PTPRD: variants seen among roughly 807,000 people sequenced by gnomAD.
The protein encoded by PTPRD is receptor-type tyrosine-protein phosphatase delta.
PTPRD carries 34 observed loss-of-function variants against 214.5 expected under a neutral mutation model. The ratio of observed to expected loss-of-function variants is 0.16; its 90% CI spans 0.12 to 0.21. The LOEUF is 0.21. Ranked by LOEUF, PTPRD falls within the 10% of genes least tolerant of loss-of-function variation. The pLI is 1.00. For missense variants in PTPRD, 2,545 were observed against 2,398.7 expected (o/e 1.06, Z -1.27); for synonymous variants, 1,128 against 845.7 (o/e 1.33, Z -5.79).
At chr9:9,868,125 C>A (rs1342191259) in intron 5 of PTPRD, among the ~76,000 whole-genome samples, 1 of 152,126 alleles carries the variant, frequency 6.6e-6, no homozygotes, top group East Asian at 1.9e-4. Flanking sequence ...GCAGTCTATA[C>A]CGCTGCTTCA....
chr9:9,065,546 G>A (rs1444439018), intron 10 of PTPRD, among the ~76,000 whole-genome samples: 1 of 152,198 alleles, frequency 6.6e-6, no homozygotes, highest in Non-Finnish European at 1.5e-5. Context: ...AGTGCAATGT[G>A]AAGCTGACAG....
At chr9:10,576,503 A>G (rs1437524474) in intron 2 of PTPRD, among the ~76,000 whole-genome samples, 1 of 152,142 alleles carries the variant, frequency 6.6e-6, no homozygotes, top group Non-Finnish European at 1.5e-5. Flanking sequence ...TATTGCAAAA[A>G]CATAATGTTG....
rs186851310 is a variant in PTPRD at position 10,234,806 on chromosome 9, A to G, written c.-545+106157T>C. Among the ~76,000 whole-genome samples the G allele has an allele frequency of 5.1e-4, 78 of 152,072 alleles. 1 individual carries two copies. The highest frequency in any genetic ancestry group is 7.5e-4 in the Non-Finnish European group (51 of 67,910). On this transcript the variant is annotated intron_variant, in intron 3 of 45. Transcript: ENST00000381196. ...ACAATAATAAGAGCCAAACTGAAAT[A>G]TATTTTACTTACCACAACAGATTTC... is the stretch of plus-strand genomic sequence containing the variant.
Position 10,230,474 on chromosome 9 carries a change from A to G in PTPRD, c.-545+110489T>C, listed in dbSNP as rs143702913. Among the ~76,000 whole-genome samples the G allele has an allele frequency of 5.5e-4, 83 of 151,316 alleles. No individual in the cohort carries two copies. The East Asian group carries it at 0.011, about 20-fold the overall frequency. ...TATCTATCTATCTATCTATCTATCT[A>G]TCTGTCTATCTACCTATCCATCTAT... On this transcript the variant is annotated intron_variant, in intron 3 of 45. Coordinates refer to ENST00000381196, the MANE Select transcript of PTPRD (RefSeq NM_002839.4).
chr9:8,439,158 G>A (rs772852688), intron 34 of PTPRD, among the ~76,000 whole-genome samples: 1 of 152,174 alleles, frequency 6.6e-6, no homozygotes, highest in East Asian at 1.9e-4. Context: ...GAAAAGGGAG[G>A]AGAATCTGTG....
At chr9:9,276,868 C>G (rs1032737843) in intron 9 of PTPRD, among the ~76,000 whole-genome samples, 3 of 151,316 alleles carry the variant, frequency 2.0e-5, no homozygotes, top group Admixed American at 6.6e-5. Flanking sequence ...AAAGAGAGGC[C>G]ATTTGCCTCT....
chr9:10,309,217 T>A (rs1270162948), intron 3 of PTPRD, among the ~76,000 whole-genome samples: 1 of 152,054 alleles, frequency 6.6e-6, no homozygotes, highest in Admixed American at 6.6e-5. Context: ...AAAAAATATG[T>A]CCTTTTAATT....
chr9:9,421,276 T>A (rs573629119), intron 8 of PTPRD, among the ~76,000 whole-genome samples: 1 of 137,242 alleles, frequency 7.3e-6, no homozygotes, highest in Non-Finnish European at 1.6e-5. Flanking sequence ...AATAGTACTG[T>A]CTTTGTGAAA....
At chr9:9,601,498 G>A (rs1443372075) in intron 7 of PTPRD, among the ~76,000 whole-genome samples, 1 of 152,086 alleles carries the variant, frequency 6.6e-6, no homozygotes, top group African/African-American at 2.4e-5. Flanking sequence ...TAGAGTCACT[G>A]CTGCATCCTA....
At chr9:9,107,424 T>C (rs1379325029) in intron 10 of PTPRD, among the ~76,000 whole-genome samples, 1 of 152,212 alleles carries the variant, frequency 6.6e-6, no homozygotes, top group African/African-American at 2.4e-5. Context: ...GCCTTGTTTT[T>C]ACTATAATGT....
intron 10 of PTPRD, among the ~76,000 whole-genome samples, chr9:9,063,338 T>A (rs980831096): frequency 6.6e-6 from 1 of 152,158 alleles, no homozygotes; most frequent in African/African-American, 2.4e-5. Flanking sequence ...TTTTTGAAAG[T>A]AAATAGCAGA....
At chr9:9,016,064 T>TA (rs1181803701) in intron 11 of PTPRD, among the ~76,000 whole-genome samples, 1 of 152,036 alleles carries the variant, frequency 6.6e-6, no homozygotes, top group Non-Finnish European at 1.5e-5. Context: ...GTTGTAGGAT[T>TA]AAAAAACATG....
intron 9 of PTPRD, among the ~76,000 whole-genome samples, chr9:9,316,991 A>T (rs1014828592): frequency 1.3e-5 from 2 of 152,160 alleles, no homozygotes; most frequent in Non-Finnish European, 2.9e-5. Flanking sequence ...TTGACAAAAC[A>T]TGGCCCTTCT....
chr9:9,948,303 G>A (rs10978127), intron 4 of PTPRD, among the ~76,000 whole-genome samples: 6,972 of 152,060 alleles, frequency 0.046, 274 homozygotes, highest in East Asian at 0.16. Context: ...TTTAAAAAAT[G>A]TGACTATCTT....
intron 5 of PTPRD, among the ~76,000 whole-genome samples, chr9:9,873,366 C>T (rs1406006530): frequency 1.3e-5 from 2 of 151,954 alleles, no homozygotes; most frequent in African/African-American, 4.8e-5. Flanking sequence ...TGAAATAATC[C>T]TTAAAGCACA....
At position 10,217,156 on chromosome 9, in the gene PTPRD, C is replaced by T. The variant is rs972472732; in HGVS notation, c.-545+123807G>A. 3.3e-5 allele frequency among the ~76,000 whole-genome samples: 5 copies of T among 151,604 alleles called. No homozygotes were observed. The Admixed American group carries it at 3.3e-4, about 10-fold the overall frequency. Reference sequence around the variant, plus strand: ...TCCCACTAGATTTTACTTTGCTTTACCTCAAATTTCTAAAGAAGTTGTATT... The same window carrying T: ...TCCCACTAGATTTTACTTTGCTTTATCTCAAATTTCTAAAGAAGTTGTATT... On this transcript the variant is annotated intron_variant, in intron 3 of 45. Coordinates refer to ENST00000381196, the MANE Select transcript of PTPRD (RefSeq NM_002839.4).
At chr9:10,531,530 C>G (rs776131268) in intron 2 of PTPRD, among the ~76,000 whole-genome samples, 2 of 152,022 alleles carry the variant, frequency 1.3e-5, no homozygotes, top group Admixed American at 1.3e-4. Flanking sequence ...TGGCACTTTA[C>G]CTTGAAAAAG....
At chr9:8,844,482 T>G (rs2097646003) in intron 11 of PTPRD, among the ~76,000 whole-genome samples, 1 of 152,144 alleles carries the variant, frequency 6.6e-6, no homozygotes, top group Non-Finnish European at 1.5e-5. Flanking sequence ...TTTTTAAAGG[T>G]TTCTATCATT....
At chr9:10,589,798 T>C (rs933092146) in intron 2 of PTPRD, among the ~76,000 whole-genome samples, 1 of 152,060 alleles carries the variant, frequency 6.6e-6, no homozygotes. Flanking sequence ...GGTCAAGTGA[T>C]AGCTGATTTG....
Sources: gnomAD v4.1 joint callset for allele counts (sites outside exome capture counted in the v4.1 genomes callset) on GRCh38, gnomAD v4.1.1 for gene constraint, MANE v1.5 for transcripts, NCBI Gene and HGNC (gene_info 2026-07-23, HGNC 2026-07-21) for gene names.